SCOC: variants seen among roughly 807,000 people sequenced by gnomAD.
SCOC encodes the protein short coiled coil protein.
In SCOC, 7 loss-of-function variants were observed where a neutral mutation model predicts 9.9. The observed-to-expected ratio is 0.71, with a 90% CI of 0.40 to 1.33. The LOEUF (loss-of-function observed/expected upper bound fraction) is 1.33. Ranked by LOEUF, SCOC falls within the 40% of genes most tolerant of loss-of-function variation. SCOC has a pLI of 0.01. For missense variants in SCOC, 66 were observed against 89.7 expected (o/e 0.74, Z 1.07); for synonymous variants, 19 against 28.2 (o/e 0.67, Z 1.03).
chr4:140,338,693 T>A (rs1726370546), upstream of SCOC, among the ~76,000 whole-genome samples: 1 of 152,148 alleles, frequency 6.6e-6, no homozygotes, highest in African/African-American at 2.4e-5. Flanking sequence ...TGAACTCCCA[T>A]TCACAATTGC....
intron 2 of SCOC, chr4:140,366,811 G>C (rs1254665251): frequency 1.8e-6 from 2 of 1,095,598 alleles, no homozygotes; most frequent in Admixed American, 3.4e-5. Context: ...ACGAGGTCCA[G>C]AGGGGATGTA....
At chr4:140,270,288 C>A (rs998132360) in intron 1 of SCOC, among the ~76,000 whole-genome samples, 8 of 152,092 alleles carry the variant, frequency 5.3e-5, no homozygotes, top group African/African-American at 1.9e-4. Context: ...CTAAACAATA[C>A]ATCAGCATCA....
intron 1 of SCOC, among the ~76,000 whole-genome samples, chr4:140,269,236 T>C (rs551743348): frequency 6.6e-6 from 1 of 152,354 alleles, no homozygotes; most frequent in South Asian, 2.1e-4. Flanking sequence ...TCATATCTCC[T>C]GCTCTTGAAT....
intron 1 of SCOC, among the ~76,000 whole-genome samples, chr4:140,275,237 T>C (rs1042991008): frequency 1.3e-5 from 2 of 152,242 alleles, no homozygotes; most frequent in Admixed American, 1.3e-4. Flanking sequence ...AAGAGGGCTC[T>C]TTCTGTCTCT....
intron 1 of SCOC, among the ~76,000 whole-genome samples, chr4:140,332,912 A>G (rs961486071): frequency 3.3e-5 from 5 of 152,050 alleles, no homozygotes; most frequent in Admixed American, 3.3e-4. Flanking sequence ...TTTCTTCACT[A>G]CAGTCAGAGT....
chr4:140,284,866 T>C (rs987394072), intron 1 of SCOC: 1 of 173,050 alleles, frequency 5.8e-6, no homozygotes, highest in African/African-American at 2.4e-5. Context: ...GAAATATTTT[T>C]AAATTCTTGT....
chr4:140,304,218 C>T (rs528238831), intron 1 of SCOC, among the ~76,000 whole-genome samples: 2 of 152,268 alleles, frequency 1.3e-5, no homozygotes, highest in African/African-American at 4.8e-5. Context: ...AACTACAAGA[C>T]ACTGGTGACA....
intron 1 of SCOC, among the ~76,000 whole-genome samples, chr4:140,287,889 C>T (rs1039879659): frequency 1.3e-5 from 2 of 152,030 alleles, no homozygotes; most frequent in Non-Finnish European, 2.9e-5. Context: ...ACATATCACA[C>T]ACCACATACA....
At chr4:140,380,939 G>A (rs748191798) in intron 3 of SCOC, 23 bp from the exon 4 acceptor site, 1 of 1,479,718 alleles carries the variant, frequency 6.8e-7, no homozygotes, top group East Asian at 2.4e-5. Context: ...TATTGATAAT[G>A]GGCATTTTTA....
chr4:140,383,375 A>T lies in SCOC; in HGVS notation c.*2271A>T, dbSNP rs2126607234. Reference sequence around the variant, plus strand: ...TGACAATCTCTAAACTGATAGGCAAATTATTTGCTCTCACCCTTGCTGCTG... The same window carrying T: ...TGACAATCTCTAAACTGATAGGCAATTTATTTGCTCTCACCCTTGCTGCTG... On this transcript the variant is annotated 3_prime_UTR_variant, in exon 4 of 4. Coordinates refer to ENST00000608372, the MANE Select transcript of SCOC (RefSeq NM_001153484.2). The T allele has an allele frequency of 6.6e-6, 1 of 152,300 alleles. No homozygotes were observed. Among genetic ancestry groups the T allele is most frequent in the Admixed American group, 6.5e-5 (1 of 15,300 alleles). The allele number at this position is 152,300 out of a possible 1,614,324, so 9.4% of individuals were successfully genotyped here. A position where few individuals can be genotyped will look rare whatever the true frequency, so the allele number is the denominator to read the frequency against.
At chr4:140,276,286 G>A (rs1374176558) in intron 1 of SCOC, among the ~76,000 whole-genome samples, 2 of 152,132 alleles carry the variant, frequency 1.3e-5, no homozygotes, top group African/African-American at 4.8e-5. Context: ...ACAGGCGTGA[G>A]CTACCGCACC....
At chr4:140,373,582 T>A, upstream of SCOC, 1 of 1,551,672 alleles carries the variant, frequency 6.4e-7, no homozygotes. Context: ...GGCGAGCGGC[T>A]GGGACGGGAT....
chr4:140,291,189 A>G (rs1354974472), intron 1 of SCOC, among the ~76,000 whole-genome samples: 1 of 152,130 alleles, frequency 6.6e-6, no homozygotes, highest in Non-Finnish European at 1.5e-5. Context: ...CAGTCTTCTG[A>G]GTCTCCCAAT....
At chr4:140,328,493 A>G (rs1301652113) in intron 1 of SCOC, among the ~76,000 whole-genome samples, 1 of 152,160 alleles carries the variant, frequency 6.6e-6, no homozygotes, top group Non-Finnish European at 1.5e-5. Flanking sequence ...AATGCATTTA[A>G]CAAATTATTC....
chr4:140,326,944 G>C (rs547167466), intron 1 of SCOC, among the ~76,000 whole-genome samples: 2 of 152,140 alleles, frequency 1.3e-5, no homozygotes, highest in Non-Finnish European at 2.9e-5. Context: ...ATAAATGTTG[G>C]AACTCAAATG....
At chr4:140,285,622 A>G (rs1210847685) in intron 1 of SCOC, among the ~76,000 whole-genome samples, 5 of 152,234 alleles carry the variant, frequency 3.3e-5, no homozygotes, top group Admixed American at 2.6e-4. Flanking sequence ...GTACAGAAAT[A>G]GGGCTTTTCA....
chr4:140,333,615 A>C (rs540458433), intron 1 of SCOC, among the ~76,000 whole-genome samples: 2 of 152,336 alleles, frequency 1.3e-5, no homozygotes, highest in East Asian at 3.9e-4. Flanking sequence ...TAAAAGTTAC[A>C]TACAATGTGT....
intron 1 of SCOC, among the ~76,000 whole-genome samples, chr4:140,272,586 T>C (rs548866320): frequency 6.6e-5 from 10 of 152,238 alleles, no homozygotes; most frequent in Non-Finnish European, 1.2e-4. Context: ...GAGGTATTTG[T>C]CTATTTTGTT....
upstream of SCOC, chr4:140,373,489 G>A (rs1040873040): frequency 5.8e-6 from 9 of 1,551,380 alleles, no homozygotes; most frequent in Admixed American, 1.4e-4. Flanking sequence ...TGGCAAAGGT[G>A]GATCCCGGTG....
Sources: allele counts gnomAD v4.1 joint callset (sites outside exome capture counted in the v4.1 genomes callset), GRCh38; gene constraint gnomAD v4.1.1; transcripts MANE v1.5; gene names NCBI Gene and HGNC (gene_info 2026-07-23, HGNC 2026-07-21).